HDAC1: variants seen among roughly 807,000 people sequenced by gnomAD.
The protein encoded by HDAC1 is protein deacetylase HDAC1.
Under a neutral mutation model 65.5 loss-of-function variants are expected in HDAC1, and 18 were observed. The ratio of observed to expected loss-of-function variants is 0.27; its 90% CI spans 0.19 to 0.41. The LOEUF is 0.41. Ranked by LOEUF, HDAC1 falls within the 10% of genes least tolerant of loss-of-function variation. The pLI is 1.00. For synonymous variants in HDAC1, 211 were observed against 227.9 expected (o/e 0.93, Z 0.67); for missense variants, 373 against 625.2 (o/e 0.60, Z 4.30).
In HDAC1 at chr1:32,330,779, T is replaced by A; in HGVS notation, c.850T>A (p.Cys284Ser). Residue 284 changes from cysteine (C) to serine (S), a missense_variant, in exon 9 of 14, where the codon TGT (cysteine) becomes AGT (serine). Cys to Ser is a moderately radical substitution (Grantham distance 112, BLOSUM62 -1). Transcript: ENST00000373548. The surrounding 1 kb of genome is among the most constrained non-coding windows in gnomAD (Gnocchi z 4.2). ...TTCTCCCACCAAAGGACACGCCAAG[T>A]GTGTGGAATTTGTCAAGAGCTTTAA... ...FNLTIKGHAK[C>S]VEFVKSFNLP... The A allele has an allele frequency of 6.2e-7, 1 of 1,614,068 alleles. No homozygotes were observed.
At chr1:32,317,037 A>G (rs1466138334) in intron 3 of HDAC1, among the ~76,000 whole-genome samples, 3 of 152,208 alleles carry the variant, frequency 2.0e-5, no homozygotes, top group Admixed American at 6.5e-5. Flanking sequence ...TTGTAGTGGA[A>G]AAAGCACTGA....
intron 1 of HDAC1, 91 bp from the exon 2 acceptor site, chr1:32,302,530 T>A: frequency 3.1e-6 from 2 of 645,242 alleles, no homozygotes; most frequent in South Asian, 1.6e-5. Context: ...CCAGAAAGAA[T>A]TTGACTGGGA....
chr1:32,306,774 A>T (rs1316954881), intron 2 of HDAC1, among the ~76,000 whole-genome samples: 1 of 152,074 alleles, frequency 6.6e-6, no homozygotes, highest in Non-Finnish European at 1.5e-5. Context: ...GATACTTTCT[A>T]GTATGCCCAG....
chr1:32,316,667 C>A lies in HDAC1; in HGVS notation c.165C>A (p.Arg55=), dbSNP rs765973776. ...YGLYRKMEIY[R]PHKANAEEMT... ...CCTTTCTCCCTTCTGCCCTCTAGCGCCCTCACAAAGCCAATGCTGAGGAGA... is the reference window on the plus strand; with the variant it reads ...CCTTTCTCCCTTCTGCCCTCTAGCGACCTCACAAAGCCAATGCTGAGGAGA... The change falls in exon 3 of 14, where the codon CGC becomes CGA. Residue 55 remains arginine, a splice_region_variant and synonymous_variant. Coordinates refer to ENST00000373548, the MANE Select transcript of HDAC1 (RefSeq NM_004964.3). 2.8e-5 allele frequency: 45 copies of A among 1,603,024 alleles called. No individual in the cohort carries two copies. Among genetic ancestry groups the A allele is most frequent in the Non-Finnish European group, 3.8e-5 (44 of 1,170,328 alleles).
Position 32,331,815 on chromosome 1 carries a change from C to T in HDAC1, c.1219+9C>T, listed in dbSNP as rs535434877. On this transcript the variant is annotated intron_variant, in intron 11 of 13. Transcript: ENST00000373548. The surrounding 1 kb of genome is among the most constrained non-coding windows in gnomAD (Gnocchi z 4.2). ...TGACAAGCGCATCTCGAGTGAGACC[C>T]AGACCTAGAGCCCTATGCCTTCCAT... 11 of 1,604,902 alleles carry T rather than the reference C, an allele frequency of 6.9e-6. No homozygotes were observed. The African/African-American group carries it at 1.2e-4, about 18-fold the overall frequency.
intron 2 of HDAC1, among the ~76,000 whole-genome samples, chr1:32,306,919 T>C (rs1204187536): frequency 6.6e-6 from 1 of 152,208 alleles, no homozygotes; most frequent in Non-Finnish European, 1.5e-5. Context: ...AGGACAATTA[T>C]AGCAATAAGC....
chr1:32,310,481 G>A (rs1640974689), intron 2 of HDAC1, among the ~76,000 whole-genome samples: 1 of 152,186 alleles, frequency 6.6e-6, no homozygotes, highest in African/African-American at 2.4e-5. Flanking sequence ...GCAAGGCTAA[G>A]GCAAGAAGAT....
At chr1:32,300,531 C>G (rs1640833470) in intron 1 of HDAC1, among the ~76,000 whole-genome samples, 1 of 151,832 alleles carries the variant, frequency 6.6e-6, no homozygotes, top group African/African-American at 2.4e-5. Flanking sequence ...GCACTCCAGC[C>G]TAGGCGACAG....
chr1:32,308,783 G>C (rs1640946767), intron 2 of HDAC1, among the ~76,000 whole-genome samples: 1 of 151,866 alleles, frequency 6.6e-6, no homozygotes, highest in Non-Finnish European at 1.5e-5. Flanking sequence ...CTCCCAAAGT[G>C]CTGGGATTAC....
chr1:32,333,071 G>C lies in HDAC1; in HGVS notation c.*27G>C, dbSNP rs1557614470. ...TGGACCTCTCCAGCTCTGGCTTCCT[G>C]CTGAGTCCCTCACGTTTCTTCCCCA... On this transcript the variant is annotated 3_prime_UTR_variant, in exon 14 of 14. Coordinates refer to ENST00000373548, the MANE Select transcript of HDAC1 (RefSeq NM_004964.3). The C allele has an allele frequency of 3.7e-6, 6 of 1,602,546 alleles. No homozygotes were observed. Among genetic ancestry groups the C allele is most frequent in the Non-Finnish European group, 4.3e-6 (5 of 1,169,984 alleles).
Position 32,333,236 on chromosome 1 carries a change from C to A in HDAC1, c.*192C>A. On this transcript the variant is annotated 3_prime_UTR_variant, in exon 14 of 14. Transcript: ENST00000373548. ...TGAGCTCTTCCAGGAGCCACCTTGC[C>A]ACCCATTCTTCCCGTTCTTAACTTT... The A allele has an allele frequency of 2.1e-6, 1 of 484,534 alleles. No individual in the cohort carries two copies. The highest frequency in any genetic ancestry group is 3.7e-6 in the Non-Finnish European group (1 of 273,178). The allele number at this position is 484,534 out of a possible 1,614,324, so 30.0% of individuals were successfully genotyped here.
At position 32,327,255 on chromosome 1, in the gene HDAC1, G is replaced by A. The variant is rs899637393; in HGVS notation, c.494+178G>A. 6.2e-6 allele frequency: 4 copies of A among 642,506 alleles called. No individual in the cohort carries two copies. The highest frequency in any genetic ancestry group is 3.7e-5 in the African/African-American group (2 of 54,768). 39.8% of individuals were successfully genotyped at this position (642,506 alleles called of 1,614,324 possible). A position where few individuals can be genotyped will look rare whatever the true frequency, so the allele number is the denominator to read the frequency against. ...GGGGTCTTGGTTTGATCTGAGCCACGGCATGATCAGGGGCAGATGCTGCTC... is the reference window on the plus strand; with the variant it reads ...GGGGTCTTGGTTTGATCTGAGCCACAGCATGATCAGGGGCAGATGCTGCTC... On this transcript the variant is annotated intron_variant, in intron 5 of 13. Coordinates refer to ENST00000373548, the MANE Select transcript of HDAC1 (RefSeq NM_004964.3). The surrounding 1 kb of genome is among the most constrained non-coding windows in gnomAD (Gnocchi z 6.0).
At chr1:32,305,331 T>C (rs1640897205) in intron 2 of HDAC1, among the ~76,000 whole-genome samples, 1 of 152,218 alleles carries the variant, frequency 6.6e-6, no homozygotes, top group African/African-American at 2.4e-5. Context: ...GATGCATATA[T>C]GCTAAAGTTT....
intron 2 of HDAC1, 73 bp from the exon 3 acceptor site, chr1:32,316,592 A>G: frequency 2.4e-6 from 2 of 831,414 alleles, no homozygotes; most frequent in Non-Finnish European, 4.2e-6. Context: ...CAGGAAATAT[A>G]AATATTCAAA....
At chr1:32,322,444 T>G (rs1000112357) in intron 3 of HDAC1, among the ~76,000 whole-genome samples, 3 of 152,150 alleles carry the variant, frequency 2.0e-5, no homozygotes, top group Non-Finnish European at 4.4e-5. Context: ...AATTTTTGTA[T>G]TTTTAGTAGA....
chr1:32,292,256 G>T (rs1158568881), intron 1 of HDAC1, 38 bp downstream of exon 1: 2 of 1,546,176 alleles, frequency 1.3e-6, no homozygotes, highest in South Asian at 2.4e-5. Context: ...GGGCCAGGCC[G>T]GGCCGGACCG....
chr1:32,305,689 C>T (rs1328492796), intron 2 of HDAC1, among the ~76,000 whole-genome samples: 1 of 151,384 alleles, frequency 6.6e-6, no homozygotes, highest in African/African-American at 2.4e-5. Context: ...CGGCTCACTG[C>T]AACCTCTGCC....
At chr1:32,321,956 C>A (rs1232809277) in intron 3 of HDAC1, among the ~76,000 whole-genome samples, 1 of 152,124 alleles carries the variant, frequency 6.6e-6, no homozygotes, top group Non-Finnish European at 1.5e-5. Context: ...GAGGAAGAGA[C>A]CCACCCGCTG....
chr1:32,332,805 G>A (rs140350637), intron 13 of HDAC1, 56 bp downstream of exon 13: 23 of 1,448,998 alleles, frequency 1.6e-5, no homozygotes, highest in Non-Finnish European at 2.1e-5. Flanking sequence ...CAGCCCCTTT[G>A]TCCCACCACT....
Sources: gnomAD v4.1 joint callset for allele counts (sites outside exome capture counted in the v4.1 genomes callset) on GRCh38, gnomAD v4.1.1 for gene constraint, Gnocchi (gnomAD v3.1) non-coding constraint, MANE v1.5 for transcripts, NCBI Gene and HGNC (gene_info 2026-07-23, HGNC 2026-07-21) for gene names.